Variants in DGKK observed in about 807,000 individuals in gnomAD.
The protein encoded by DGKK is diacylglycerol kinase kappa.
A neutral mutation model predicts 92.2 loss-of-function variants in DGKK; 35 were observed. The ratio of observed to expected loss-of-function variants is 0.38; its 90% CI spans 0.29 to 0.50. The LOEUF is 0.50. DGKK is among the 20% of genes least tolerant of loss of function. DGKK has a pLI of 0.92. For synonymous variants in DGKK, 368 were observed against 360.6 expected (o/e 1.02, Z -0.23); for missense variants, 910 against 992.2 (o/e 0.92, Z 1.11).
At chrX:50,379,602 T>C in intron 20 of DGKK, 25 bp downstream of exon 20, 1 of 1,144,314 alleles carries the variant, frequency 8.7e-7, no homozygotes, top group Non-Finnish European at 1.2e-6. Context: ...CCTTTCTTCC[T>C]CCCCATTCCT....
intron 9 of DGKK, 58 bp from the exon 10 acceptor site, chrX:50,392,507 T>G: frequency 1.1e-6 from 1 of 946,340 alleles, no homozygotes; most frequent in Non-Finnish European, 1.5e-6. Context: ...TTGTAACTTT[T>G]CCTACAATGT....
intron 1 of DGKK, among the ~76,000 whole-genome samples, chrX:50,463,994 C>G (rs1459042530): frequency 3.7e-5 from 4 of 107,527 alleles, no homozygotes; most frequent in African/African-American, 1.3e-4. Context: ...TCACATGTTC[C>G]CTGAAAATAT....
intron 26 of DGKK, among the ~76,000 whole-genome samples, 152 bp from the exon 27 acceptor site, chrX:50,370,701 C>T (rs191959107): frequency 1.2e-4 from 13 of 111,860 alleles, no homozygotes; most frequent in Non-Finnish European, 1.7e-4. Flanking sequence ...CATCACTGGT[C>T]GCATGCCCTA....
In DGKK at chrX:50,447,348, TATATATATAA is replaced by T. The variant is rs1926350873; in HGVS notation, c.645+22676_645+22685del. On this transcript the variant is annotated intron_variant, in intron 1 of 27. Transcript: ENST00000611977. Reference sequence around the variant, plus strand: ...TATGTATATATATATATATATTATATATATATATAATATATATATATTATATATATATATA... The same window carrying T: ...TATGTATATATATATATATATTATATTATATATATATTATATATATATATA... Among the ~76,000 whole-genome samples the T allele has an allele frequency of 5.9e-4, 6 of 10,218 alleles. 1 individual carries two copies. The highest frequency in any genetic ancestry group is 3.0e-3 in the African/African-American group (6 of 2,033). The allele number at this position is 10,218 out of a possible 115,157, so 8.9% of individuals were successfully genotyped here.
chrX:50,371,538 C>T, intron 26 of DGKK, among the ~76,000 whole-genome samples, 186 bp downstream of exon 26: 1 of 111,769 alleles, frequency 8.9e-6, no homozygotes, highest in Non-Finnish European at 1.9e-5. Flanking sequence ...TTCTGCCTTA[C>T]CCTATCTATT....
intron 1 of DGKK, among the ~76,000 whole-genome samples, chrX:50,469,565 G>A (rs994184494): frequency 2.7e-5 from 3 of 112,306 alleles, no homozygotes; most frequent in Non-Finnish European, 5.7e-5. Flanking sequence ...GGCAGGGAGG[G>A]GGCCAAGCAG....
rs782325270 is a variant in DGKK, at chrX:50,431,069, T to C, written c.646-6711A>G. Among the ~76,000 whole-genome samples the C allele has an allele frequency of 1.9e-3, 209 of 110,581 alleles. 1 individual carries two copies. Among genetic ancestry groups the C allele is most frequent in the African/African-American group, 6.2e-3 (189 of 30,375 alleles). ...TTTTAAGAGACAGGGTCTTGTTCTG[T>C]CACCCAGGCTGAAGTGCAGTGGCGC... On this transcript the variant is annotated intron_variant, in intron 1 of 27. Coordinates refer to ENST00000611977, the MANE Select transcript of DGKK (RefSeq NM_001013742.4).
chrX:50,466,832 A>C (rs1200797649), intron 1 of DGKK, among the ~76,000 whole-genome samples: 4 of 111,845 alleles, frequency 3.6e-5, no homozygotes, highest in Admixed American at 9.4e-5. Flanking sequence ...AAAATGTACA[A>C]AAATATCAGT....
chrX:50,392,464 A>G lies in DGKK; in HGVS notation c.1596-15T>C. On this transcript the variant is annotated splice_polypyrimidine_tract_variant and intron_variant, in intron 9 of 27. Coordinates refer to ENST00000611977, the MANE Select transcript of DGKK (RefSeq NM_001013742.4). ...ACATAGACAGCCTGGAAGGACAAAG[A>G]GGAAAGGGGGTCATTTCATGAACAG... 8.6e-7 allele frequency: 1 copy of G among 1,167,187 alleles called. No homozygotes were observed. Among genetic ancestry groups the G allele is most frequent in the East Asian group, 3.0e-5 (1 of 33,675 alleles).
intron 16 of DGKK, 70 bp downstream of exon 16, chrX:50,384,650 A>G: frequency 1.0e-6 from 1 of 1,003,369 alleles, no homozygotes; most frequent in African/African-American, 1.9e-5. Context: ...AAAAATACAT[A>G]TTTATTCTTT....
At chrX:50,432,031 T>C (rs1275294657) in intron 1 of DGKK, among the ~76,000 whole-genome samples, 1 of 112,014 alleles carries the variant, frequency 8.9e-6, no homozygotes, top group Non-Finnish European at 1.9e-5. Flanking sequence ...TACTGGAATC[T>C]TCCCTCCTGG....
At position 50,388,557 on chromosome X, in the gene DGKK, T is replaced by G. The variant is rs191258243; in HGVS notation, c.1988A>C (p.Lys663Thr). 1 of 1,207,083 alleles carries G rather than the reference T, an allele frequency of 8.3e-7. No individual in the cohort carries two copies. The highest frequency in any genetic ancestry group is 2.2e-5 in the Admixed American group (1 of 45,558). ...TGCGATGATCATCTCTGTGGGGTAC[T>G]TGGCCTTCAGGATTTTGTTCAACTC... ...ATELNKILKA[K>T]YPTEMIIATR... The change falls in exon 13 of 28, where the codon AAG becomes ACG. Residue 663 changes from lysine (K) to threonine (T), a missense_variant. By Grantham distance (78) the Lys-to-Thr change is moderately conservative (BLOSUM62 -1). Transcript: ENST00000611977.
At chrX:50,444,314 G>A (rs1926236623) in intron 1 of DGKK, among the ~76,000 whole-genome samples, 1 of 110,969 alleles carries the variant, frequency 9.0e-6, no homozygotes, top group African/African-American at 3.3e-5. Context: ...TTTAGGTTCA[G>A]GGGTACATGT....
intron 8 of DGKK, among the ~76,000 whole-genome samples, chrX:50,393,618 GGA>G (rs1283097797): frequency 9.0e-6 from 1 of 111,714 alleles, no homozygotes; most frequent in African/African-American, 3.3e-5. Context: ...TTCAAGCTCA[GGA>G]GAGAGACTCA....
chrX:50,388,392 G>T, intron 13 of DGKK, 135 bp downstream of exon 13: 4 of 478,736 alleles, frequency 8.4e-6, no homozygotes, highest in African/African-American at 2.4e-5. Context: ...CATTCAGGGG[G>T]TTTGAGTTGG....
At chrX:50,422,597 A>AAC (rs59226442) in intron 2 of DGKK, 71 bp from the exon 3 acceptor site, 49,206 of 331,034 alleles carry the variant, frequency 0.15, 2,456 homozygotes, top group East Asian at 0.23. Flanking sequence ...TTAAAAGGTA[A>AAC]ACACACACAC....
At position 50,386,408 on chromosome X, in the gene DGKK, GC is replaced by G; in HGVS notation, c.2296del (p.Ala766ProfsTer8). 1.7e-6 allele frequency: 2 copies of G among 1,210,769 alleles called. No individual in the cohort carries two copies. Among genetic ancestry groups the G allele is most frequent in the Non-Finnish European group, 2.2e-6 (2 of 894,960 alleles). Reference protein sequence around the residue: ...AKCKLELATKAQSLQKSLKLI... With the variant: ...AKCKLELATKXQSLQKSLKLI... ...TTTCAAGGATTTCTGGAGACTCTGG[GC>G]CTTTGTAGCCAGCTCCAACTTGCAC... is the stretch of plus-strand genomic sequence containing the variant. On this transcript the variant is annotated frameshift_variant, in exon 15 of 28. Transcript: ENST00000611977. LOFTEE classifies it high-confidence loss of function.
intron 4 of DGKK, among the ~76,000 whole-genome samples, chrX:50,416,523 T>C (rs1297358400): frequency 2.7e-5 from 3 of 112,193 alleles, no homozygotes; most frequent in Non-Finnish European, 5.6e-5. Flanking sequence ...AGGAGCCTTT[T>C]TGGGGATGGC....
At chrX:50,451,704 A>G (rs1279102183) in intron 1 of DGKK, among the ~76,000 whole-genome samples, 4 of 111,579 alleles carry the variant, frequency 3.6e-5, no homozygotes, top group Admixed American at 9.6e-5. Flanking sequence ...GCAACAGGCA[A>G]GAACTTACTA....
Sources: gnomAD v4.1 joint callset for allele counts (sites outside exome capture counted in the v4.1 genomes callset) on GRCh38, gnomAD v4.1.1 for gene constraint, MANE v1.5 for transcripts, NCBI Gene and HGNC (gene_info 2026-07-23, HGNC 2026-07-21) for gene names.